The following ADSL variants were observed in gnomAD, a reference collection of about 807,000 sequenced individuals.
The protein encoded by ADSL is adenylosuccinase.
A neutral mutation model predicts 62.1 loss-of-function variants in ADSL; 44 were observed. The ratio of observed to expected loss-of-function variants is 0.71; its 90% CI spans 0.56 to 0.91. The LOEUF is 0.91. ADSL is among the 40% of genes least tolerant of loss of function. The probability of loss-of-function intolerance (pLI) is 0.00; values close to 1 mark genes in which losing one functional copy is unlikely to be tolerated. For synonymous variants in ADSL, 198 were observed against 220.5 expected (o/e 0.90, Z 0.90); for missense variants, 531 against 627.4 (o/e 0.85, Z 1.64).
chr22:40,364,212 G>C (rs2044907552), intron 10 of ADSL, 64 bp from the exon 11 acceptor site: 2 of 1,335,340 alleles, frequency 1.5e-6, no homozygotes, highest in African/African-American at 1.4e-5. Context: ...TTGACATCCT[G>C]CTGTGTTTAT....
intron 4 of ADSL, among the ~76,000 whole-genome samples, chr22:40,355,488 A>G (rs1157273422): frequency 6.6e-6 from 1 of 152,126 alleles, no homozygotes; most frequent in Non-Finnish European, 1.5e-5. Flanking sequence ...AATCGCATAC[A>G]ATATGTGACC....
At chr22:40,373,835 C>G (rs1040938235), downstream of ADSL, among the ~76,000 whole-genome samples, 16 of 152,192 alleles carry the variant, frequency 1.1e-4, no homozygotes, top group Admixed American at 9.8e-4. Context: ...AGGATGGTCT[C>G]CATCTCTTGA....
chr22:40,383,734 A>G (rs929555347), intron 2 of ADSL, among the ~76,000 whole-genome samples: 4 of 152,192 alleles, frequency 2.6e-5, no homozygotes, highest in Admixed American at 2.6e-4. Context: ...ATTGGGGTCT[A>G]TGGAATCAGA....
chr22:40,371,572 A>G (rs1047275301), downstream of ADSL, among the ~76,000 whole-genome samples: 8 of 152,284 alleles, frequency 5.3e-5, no homozygotes, highest in Non-Finnish European at 7.4e-5. Flanking sequence ...TTATAGGTAC[A>G]TATGTTTCCC....
At chr22:40,379,445 C>T (rs2047201563) in intron 2 of ADSL, 1 of 152,184 alleles carries the variant, frequency 6.6e-6, no homozygotes, top group Non-Finnish European at 1.5e-5. Context: ...CTGAGATCAC[C>T]TCTTCATAAG....
rs774693972 is a variant in ADSL at position 40,364,941 on chromosome 22, G to A, written c.1253G>A (p.Gly418Glu). The part of the protein sequence containing the change: ...QQAASVVKQE[G>E]GDNDLIERIQ... ...GCAGCTTCTGTGGTTAAGCAGGAAG[G>A]GGGTGACAATGACCTCATAGAGCGT... Residue 418 changes from glycine (G) to glutamate (E), a missense_variant, in exon 12 of 13, where the codon GGG becomes GAG. By Grantham distance (98) the Gly-to-Glu change is moderately conservative. Transcript: ENST00000623063. 3.1e-6 allele frequency: 5 copies of A among 1,614,196 alleles called. No individual in the cohort carries two copies. Among genetic ancestry groups the A allele is most frequent in the Non-Finnish European group, 4.2e-6 (5 of 1,180,034 alleles).
chr22:40,386,377 C>G (rs2048443009), intron 2 of ADSL, among the ~76,000 whole-genome samples: 1 of 151,982 alleles, frequency 6.6e-6, no homozygotes, highest in Non-Finnish European at 1.5e-5. Context: ...AGAGGACAAC[C>G]TCGTGACGTA....
At position 40,365,037 on chromosome 22, in the gene ADSL, C is replaced by G. The variant is rs372895468; in HGVS notation, c.1349C>G (p.Thr450Ser). Reference protein sequence around the residue: ...LDHLLDPSSFTGRASQQVQRF... With the variant: ...LDHLLDPSSFSGRASQQVQRF... ...CATTTACTGGATCCTTCTTCTTTCACTGGTCGTGCCTCCCAGCAGGTAAGC... is the reference window on the plus strand; with the variant it reads ...CATTTACTGGATCCTTCTTCTTTCAGTGGTCGTGCCTCCCAGCAGGTAAGC... Residue 450 changes from threonine to serine, a missense_variant, in exon 12 of 13, where the codon ACT becomes AGT. Coordinates refer to ENST00000623063, the MANE Select transcript of ADSL (RefSeq NM_000026.4). 2.7e-5 allele frequency: 44 copies of G among 1,613,886 alleles called. No individual in the cohort carries two copies. Among genetic ancestry groups the G allele is most frequent in the Non-Finnish European group, 3.7e-5 (44 of 1,179,958 alleles).
At chr22:40,385,412 C>G (rs566721419) in intron 2 of ADSL, among the ~76,000 whole-genome samples, 1 of 151,946 alleles carries the variant, frequency 6.6e-6, no homozygotes, top group South Asian at 2.1e-4. Context: ...GCAGTGGACA[C>G]GAAGCCATTG....
intron 2 of ADSL, among the ~76,000 whole-genome samples, chr22:40,386,962 C>T (rs895869114): frequency 6.6e-6 from 1 of 152,066 alleles, no homozygotes; most frequent in African/African-American, 2.4e-5. Flanking sequence ...TGCTTTGTGT[C>T]TTAAATCTGG....
chr22:40,359,761 G>A (rs1213424661), intron 6 of ADSL, among the ~76,000 whole-genome samples: 2 of 152,044 alleles, frequency 1.3e-5, no homozygotes, highest in Non-Finnish European at 2.9e-5. Flanking sequence ...TCCAACTCCT[G>A]AGATCAAGCG....
chr22:40,375,015 C>T (rs1169669619), intron 2 of ADSL, among the ~76,000 whole-genome samples: 3 of 152,180 alleles, frequency 2.0e-5, no homozygotes, highest in Non-Finnish European at 4.4e-5. Context: ...AATCACCTCC[C>T]CTTTTTGAAA....
At position 40,346,656 on chromosome 22, in the gene ADSL, G is replaced by T. The variant is rs2044150443; in HGVS notation, c.98G>T (p.Arg33Met). ...SPEMCFVFSD[R>M]YKFRTWRQLW... ...GAGATGTGCTTCGTGTTTAGCGACA[G>T]GTATAAATTCCGGACATGGCGGCAG... The change falls in exon 1 of 13, where the codon AGG becomes ATG. Residue 33 changes from arginine (R) to methionine (M), a missense_variant. Transcript: ENST00000623063. 6.2e-7 allele frequency: 1 copy of T among 1,613,072 alleles called. No homozygotes were observed. The highest frequency in any genetic ancestry group is 1.7e-5 in the Admixed American group (1 of 59,936).
intron 4 of ADSL, 92 bp from the exon 5 acceptor site, chr22:40,358,772 A>C: frequency 8.2e-7 from 1 of 1,225,442 alleles, no homozygotes; most frequent in East Asian, 2.3e-5. Context: ...TCTCCCTCCA[A>C]GGGGTAATGG....
chr22:40,349,347 ATGT>A (rs980801641), intron 1 of ADSL, among the ~76,000 whole-genome samples: 1 of 149,920 alleles, frequency 6.7e-6, no homozygotes, highest in African/African-American at 2.5e-5. Flanking sequence ...GAGCAGGATT[ATGT>A]TGTTGTTTTA....
At chr22:40,361,063 A>C in intron 7 of ADSL, 1 of 651,732 alleles carries the variant, frequency 1.5e-6, no homozygotes, top group Admixed American at 2.3e-5. Context: ...AAGCGTTTTC[A>C]TGCTCCTTGA....
Position 40,346,513 on chromosome 22 carries a change from C to T in ADSL, c.-46C>T. On this transcript the variant is annotated 5_prime_UTR_variant, in exon 1 of 13. Coordinates refer to ENST00000623063, the MANE Select transcript of ADSL (RefSeq NM_000026.4). ...GCCCTGGCCTCCAGGTTTCCGCTTC[C>T]GCTCTTCCCTGGTCCAGTCCACCCT... 1.3e-6 allele frequency: 2 copies of T among 1,569,740 alleles called. No homozygotes were observed. The highest frequency in any genetic ancestry group is 1.2e-5 in the South Asian group (1 of 86,880).
chr22:40,364,259 C>T lies in ADSL; in HGVS notation c.1102-17C>T, dbSNP rs754015340. ...TGAGGCACCTTTCTTGGTCATTCAC[C>T]GTATCTTTTCCTATAGGTAATTGAA... On this transcript the variant is annotated splice_polypyrimidine_tract_variant and intron_variant, in intron 10 of 12. Transcript: ENST00000623063. The T allele has an allele frequency of 7.4e-5, 120 of 1,611,266 alleles. No individual in the cohort carries two copies. The East Asian group carries it at 2.4e-3, about 32-fold the overall frequency.
chr22:40,350,212 C>T (rs2044293062), intron 2 of ADSL, 177 bp downstream of exon 2: 1 of 610,698 alleles, frequency 1.6e-6, no homozygotes, highest in Admixed American at 2.9e-5. Flanking sequence ...CAAGCTCCGC[C>T]TCCTGGGTTC....
Sources: gnomAD v4.1 joint callset for allele counts (sites outside exome capture counted in the v4.1 genomes callset) on GRCh38, gnomAD v4.1.1 for gene constraint, MANE v1.5 for transcripts, NCBI Gene and HGNC (gene_info 2026-07-23, HGNC 2026-07-21) for gene names.